NGLY1: variants seen among roughly 807,000 people sequenced by gnomAD.
NGLY1 encodes the protein N-glycanase 1.
Under a neutral mutation model 84.6 loss-of-function variants are expected in NGLY1, and 68 were observed. That is an observed-to-expected ratio of 0.80 (90% confidence interval 0.66 to 0.98). The LOEUF is 0.98. Among genes scored for constraint, NGLY1 ranks in the 50% least tolerant of loss-of-function variants. The pLI is 0.00. For synonymous variants in NGLY1, 280 were observed against 275.2 expected, an observed-to-expected ratio of 1.02 and a Z score of -0.17; for missense variants, 779 against 770.2, an observed-to-expected ratio of 1.01 and a Z score of -0.14.
At chr3:25,789,784 C>T (rs1559566813) in intron 1 of NGLY1, 2 of 1,452,836 alleles carry the variant, frequency 1.4e-6, no homozygotes, top group East Asian at 4.9e-5. Flanking sequence ...CGATGGTGTC[C>T]CTTCTCCGAC....
intron 11 of NGLY1, 116 bp downstream of exon 11, chr3:25,719,898 T>G (rs1420668046): frequency 1.3e-6 from 1 of 796,102 alleles, no homozygotes; most frequent in African/African-American, 1.8e-5. Flanking sequence ...TTTTTTTTAC[T>G]GAAATAGTAT....
intron 4 of NGLY1, among the ~76,000 whole-genome samples, chr3:25,744,228 T>A (rs1200639508): frequency 6.6e-6 from 1 of 152,174 alleles, no homozygotes; most frequent in Non-Finnish European, 1.5e-5. Context: ...TATCTTCACA[T>A]ACAATTTAGT....
At chr3:25,745,980 G>C (rs1706403402) in intron 4 of NGLY1, among the ~76,000 whole-genome samples, 1 of 152,038 alleles carries the variant, frequency 6.6e-6, no homozygotes, top group African/African-American at 2.4e-5. Flanking sequence ...AATTTCTTTG[G>C]TCTTTACTAT....
chr3:25,784,047 G>C (rs149450433), upstream of NGLY1: 294 of 152,294 alleles, frequency 1.9e-3, no homozygotes, highest in Middle Eastern at 0.01. Flanking sequence ...AACCACCTTA[G>C]AGCCTTCTCT....
chr3:25,744,240 G>A (rs1259906218), intron 4 of NGLY1, among the ~76,000 whole-genome samples: 1 of 152,074 alleles, frequency 6.6e-6, no homozygotes. Context: ...CAATTTAGTA[G>A]GCCAAGATAT....
intron 1 of NGLY1, 92 bp from the exon 2 acceptor site, chr3:25,778,780 C>G: frequency 1.7e-6 from 1 of 578,640 alleles, no homozygotes; most frequent in Non-Finnish European, 3.0e-6. Flanking sequence ...CCTAGGTATA[C>G]CTTTATAGTC....
intron 10 of NGLY1, among the ~76,000 whole-genome samples, chr3:25,722,452 G>A (rs929430950): frequency 1.3e-5 from 2 of 151,780 alleles, no homozygotes; most frequent in East Asian, 3.9e-4. Context: ...AAAATCAATC[G>A]CCAATAGTAT....
rs2125465821 is a variant in NGLY1, at chr3:25,732,312, TA to T, written c.1425+6del. 1 of 1,612,116 alleles carries T rather than the reference TA, an allele frequency of 6.2e-7. No homozygotes were observed. Among genetic ancestry groups the T allele is most frequent in the East Asian group, 2.2e-5 (1 of 44,840 alleles). ...AAAGGATCATCATGCTAGAATGAATTAAATACCTGTAGACCCATTTCACCTC... is the reference window on the plus strand; with the variant it reads ...AAAGGATCATCATGCTAGAATGAATTAATACCTGTAGACCCATTTCACCTC... On this transcript the variant is annotated splice_donor_region_variant and intron_variant, in intron 9 of 11. Coordinates refer to ENST00000280700, the MANE Select transcript of NGLY1 (RefSeq NM_018297.4).
chr3:25,733,459 A>C (rs896717395), intron 8 of NGLY1, among the ~76,000 whole-genome samples: 1 of 143,970 alleles, frequency 6.9e-6, no homozygotes, highest in African/African-American at 2.6e-5. Context: ...AAATTTCCTC[A>C]CATGGACGTG....
chr3:25,778,518 T>C (rs528474662), intron 2 of NGLY1, 56 bp downstream of exon 2: 4 of 924,354 alleles, frequency 4.3e-6, no homozygotes, highest in East Asian at 5.2e-5. Context: ...TTCACCAACA[T>C]GATAATGGCT....
At chr3:25,737,187 T>C (rs1369276837) in intron 6 of NGLY1, 147 bp downstream of exon 6, 4 of 581,164 alleles carry the variant, frequency 6.9e-6, no homozygotes, top group South Asian at 5.9e-5. Flanking sequence ...ACCTGGAAGG[T>C]TGGTATTATT....
At chr3:25,758,299 A>C (rs1707138110) in intron 3 of NGLY1, among the ~76,000 whole-genome samples, 1 of 152,176 alleles carries the variant, frequency 6.6e-6, no homozygotes, top group South Asian at 2.1e-4. Context: ...TTTTTGGTGG[A>C]GCATGGTGGC....
chr3:25,782,941 T>C (rs1575670991), intron 1 of NGLY1: 1 of 291,946 alleles, frequency 3.4e-6, no homozygotes. Flanking sequence ...AGAGCGGCAG[T>C]GTCTGAAGCA....
Position 25,751,223 on chromosome 3 carries a change from T to C in NGLY1, c.533A>G (p.Asn178Ser), listed in dbSNP as rs771333892. Reference protein sequence around the residue: ...DSAILEVLQSNIQHVLVYENP... With the variant: ...DSAILEVLQSSIQHVLVYENP... ...TTCATAGACCAGCACATGCTGAATG[T>C]TGGACTGAAGAACTTCTAGAATGGC... The change falls in exon 4 of 12, where the codon AAC (asparagine) becomes AGC (serine). Residue 178 changes from asparagine (N) to serine (S), a missense_variant. By Grantham distance (46) the Asn-to-Ser change is conservative. Coordinates refer to ENST00000280700, the MANE Select transcript of NGLY1 (RefSeq NM_018297.4). 1.9e-6 allele frequency: 3 copies of C among 1,607,968 alleles called. No homozygotes were observed. Among genetic ancestry groups the C allele is most frequent in the Non-Finnish European group, 2.5e-6 (3 of 1,177,278 alleles).
In NGLY1 at chr3:25,719,484, T is replaced by A. The variant is rs2125441327; in HGVS notation, c.1941A>T (p.Ile647=). 5.0e-6 allele frequency: 8 copies of A among 1,613,838 alleles called. No homozygotes were observed. The highest frequency in any genetic ancestry group is 5.9e-6 in the Non-Finnish European group (7 of 1,179,822). The change falls in exon 12 of 12, where the codon ATA becomes ATT. Residue 647 remains isoleucine (I), a synonymous_variant. Coordinates refer to ENST00000280700, the MANE Select transcript of NGLY1 (RefSeq NM_018297.4). Reference sequence around the variant, plus strand: ...CTCAAAGGTCACTGAATTTTATAATTATCTCCAAACAATTTTCTTCATGGT... The same window carrying A: ...CTCAAAGGTCACTGAATTTTATAATAATCTCCAAACAATTTTCTTCATGGT... ...LNDHEENCLE[I]IIKFSDL
At position 25,737,743 on chromosome 3, in the gene NGLY1, A is replaced by G. The variant is rs555873332; in HGVS notation, c.882-288T>C. ...GTATTTTCAGTAGAGACGGGGTTTC[A>G]CCATGTTAGCCAGGATGGTCTCGAT... On this transcript the variant is annotated intron_variant, in intron 5 of 11. Coordinates refer to ENST00000280700, the MANE Select transcript of NGLY1 (RefSeq NM_018297.4). Among the ~76,000 whole-genome samples, 6 of 152,076 alleles carry G rather than the reference A, an allele frequency of 3.9e-5. No homozygotes were observed. The East Asian group carries it at 1.2e-3, about 29-fold the overall frequency.
intron 4 of NGLY1, chr3:25,749,994 G>A (rs1172095208): frequency 3.6e-6 from 2 of 561,150 alleles, no homozygotes; most frequent in Non-Finnish European, 6.3e-6. Flanking sequence ...CAACCTAGAT[G>A]TACCAGTTTG....
intron 2 of NGLY1, among the ~76,000 whole-genome samples, chr3:25,772,693 G>GT (rs56343965): frequency 3.3e-4 from 50 of 151,070 alleles, no homozygotes; most frequent in Admixed American, 7.9e-4. Context: ...TGAATACTTT[G>GT]TTTTTTTTTC....
rs188740052 is a variant in NGLY1 at position 25,789,846 on chromosome 3, G to A, written c.5+15C>T. 7.4e-5 allele frequency: 115 copies of A among 1,551,652 alleles called. No homozygotes were observed. The African/African-American group carries it at 1.3e-3, about 18-fold the overall frequency. The stretch of plus-strand genomic sequence containing the variant: ...TGCCAAAGAAAAATGCCTTTTTGAT[G>A]GGTGAAAATGCTACCTCATCGCGTT... On this transcript the variant is annotated intron_variant, in intron 1 of 11. Coordinates refer to the NGLY1 transcript ENST00000417874.
Sources: allele counts gnomAD v4.1 joint callset (sites outside exome capture counted in the v4.1 genomes callset), GRCh38; gene constraint gnomAD v4.1.1; transcripts MANE v1.5; gene names NCBI Gene and HGNC (gene_info 2026-07-23, HGNC 2026-07-21).